MED13L: variants seen among roughly 807,000 people sequenced by gnomAD.
MED13L encodes mediator complex subunit 13L.
In MED13L, 7 loss-of-function variants were observed where a neutral mutation model predicts 220.9. The observed-to-expected ratio is 0.03, with a 90% CI of 0.02 to 0.06. The LOEUF (loss-of-function observed/expected upper bound fraction) is 0.06. Ranked by LOEUF, MED13L falls within the 10% of genes least tolerant of loss-of-function variation. MED13L has a pLI of 1.00. For missense variants in MED13L, 1,965 were observed against 2,760.5 expected (o/e 0.71, Z 6.46); for synonymous variants, 1,011 against 1,015.2 (o/e 1.00, Z 0.08).
At chr12:116,275,730 G>C (rs539434857) in intron 1 of MED13L, among the ~76,000 whole-genome samples, 9 of 152,170 alleles carry the variant, frequency 5.9e-5, no homozygotes, top group African/African-American at 1.9e-4. Flanking sequence ...CTCTCCAAAA[G>C]GGACTCACCT....
chr12:115,982,799 A>C (rs913867956), intron 21 of MED13L, among the ~76,000 whole-genome samples, 196 bp from the exon 22 acceptor site: 1 of 152,216 alleles, frequency 6.6e-6, no homozygotes, highest in African/African-American at 2.4e-5. Flanking sequence ...GGAAAATGGC[A>C]ATGTACTCCT....
chr12:115,980,667 C>T (rs1877263437), intron 23 of MED13L, 83 bp downstream of exon 23: 7 of 1,447,896 alleles, frequency 4.8e-6, no homozygotes, highest in Non-Finnish European at 6.8e-6. Flanking sequence ...AAGCAACCAG[C>T]CAATCTCTGG....
chr12:116,100,174 T>C (rs1872945762), intron 3 of MED13L, among the ~76,000 whole-genome samples: 1 of 152,048 alleles, frequency 6.6e-6, no homozygotes, highest in South Asian at 2.1e-4. Context: ...TAGGAGGAAA[T>C]GAGAGAGAAG....
chr12:116,256,523 A>G (rs1158267898), intron 1 of MED13L, among the ~76,000 whole-genome samples: 11 of 152,110 alleles, frequency 7.2e-5, no homozygotes, highest in Admixed American at 2.6e-4. Flanking sequence ...CTTTGATTTC[A>G]GTGGTTTCAC....
chr12:116,208,222 C>T (rs1053734258), intron 2 of MED13L, among the ~76,000 whole-genome samples: 3 of 152,120 alleles, frequency 2.0e-5, no homozygotes, highest in South Asian at 2.1e-4. Flanking sequence ...CGGTGAAACC[C>T]GGTTTCTACT....
At chr12:116,232,133 C>T (rs768035489) in intron 2 of MED13L, 5 of 985,250 alleles carry the variant, frequency 5.1e-6, no homozygotes, top group Non-Finnish European at 6.0e-6. Context: ...ATCGCCCACA[C>T]CTCCTGGCAC....
At chr12:116,256,454 G>A (rs1289417324) in intron 1 of MED13L, among the ~76,000 whole-genome samples, 2 of 152,072 alleles carry the variant, frequency 1.3e-5, no homozygotes, top group East Asian at 1.9e-4. Context: ...GGGCAAGGGG[G>A]AGACCCTGAC....
Position 115,983,405 on chromosome 12 carries a change from G to A in MED13L, c.4667C>T (p.Pro1556Leu). 1 of 1,614,214 alleles carries A rather than the reference G, an allele frequency of 6.2e-7. No homozygotes were observed. The highest frequency in any genetic ancestry group is 8.5e-7 in the Non-Finnish European group (1 of 1,180,026). Residue 1556 changes from proline to leucine, a missense_variant, in exon 21 of 31, where the codon CCC (proline) becomes CTC (leucine). Pro to Leu is a moderately conservative substitution (Grantham distance 98). This residue lies in a region of MED13L where 510 missense variants were observed against 620.4 expected (regional missense o/e 0.82). Transcript: ENST00000281928. ...GPLAPNGSAA[P>L]PAGSAFNPTS... ...GGGATTAAATGCACTGCCAGCTGGG[G>A]GAGCTGCTGATCCATTTGGAGCTAA...
At chr12:116,159,101 G>C (rs1878667459) in intron 2 of MED13L, among the ~76,000 whole-genome samples, 1 of 152,098 alleles carries the variant, frequency 6.6e-6, no homozygotes, top group African/African-American at 2.4e-5. Flanking sequence ...AGGATTTTCT[G>C]AGTTTTTCTA....
At chr12:116,269,803 C>T (rs887100464) in intron 1 of MED13L, among the ~76,000 whole-genome samples, 2 of 152,110 alleles carry the variant, frequency 1.3e-5, no homozygotes, top group African/African-American at 2.4e-5. Context: ...AGATTCTACA[C>T]CACAATTCAT....
chr12:116,118,434 A>C (rs1874719183), intron 2 of MED13L, among the ~76,000 whole-genome samples: 1 of 152,184 alleles, frequency 6.6e-6, no homozygotes, highest in South Asian at 2.1e-4. Flanking sequence ...TAGATATTGC[A>C]TTGAAAATTA....
intron 2 of MED13L, among the ~76,000 whole-genome samples, chr12:116,209,660 C>T (rs886799540): frequency 2.0e-5 from 3 of 152,166 alleles, no homozygotes; most frequent in African/African-American, 7.2e-5. Context: ...TTGCTTCCTA[C>T]CAAATGCTGA....
intron 3 of MED13L, among the ~76,000 whole-genome samples, chr12:116,110,743 C>T (rs563477964): frequency 9.9e-5 from 15 of 152,212 alleles, no homozygotes; most frequent in Non-Finnish European, 1.9e-4. Context: ...GGGACACTGA[C>T]GATATGAGCC....
At chr12:115,972,261 C>T in intron 25 of MED13L, 25 bp from the exon 26 acceptor site, 2 of 1,610,182 alleles carry the variant, frequency 1.2e-6, no homozygotes, top group Non-Finnish European at 1.7e-6. Flanking sequence ...CGCAGTCATA[C>T]ACAGTCTTTA....
intron 1 of MED13L, among the ~76,000 whole-genome samples, chr12:116,242,563 T>C (rs966069470): frequency 6.6e-6 from 1 of 152,200 alleles, no homozygotes. Context: ...AATTAAAATA[T>C]ACAAAGAAGG....
At chr12:115,996,053 A>G (rs1878381053) in intron 16 of MED13L, among the ~76,000 whole-genome samples, 1 of 152,124 alleles carries the variant, frequency 6.6e-6, no homozygotes, top group Admixed American at 6.5e-5. Context: ...CCAATAAAGG[A>G]AAGTTTCAAA....
At position 116,019,225 on chromosome 12, in the gene MED13L, T is replaced by G. The variant is rs150782464; in HGVS notation, c.1008A>C (p.Leu336=). ...AGGACACTCCTGGATCCTACTCACCTAGGATAGCCTGTTCTGGAGAGGTGG... is the reference window on the plus strand; with the variant it reads ...AGGACACTCCTGGATCCTACTCACCGAGGATAGCCTGTTCTGGAGAGGTGG... ...TPPTSPEQAI[L]GESGGMQSAA... is the part of the protein sequence containing the mutation. The change falls in exon 7 of 31, where the codon CTA becomes CTC. Residue 336 remains leucine (L), a splice_region_variant and synonymous_variant. Transcript: ENST00000281928. The G allele has an allele frequency of 1.2e-4, 201 of 1,613,218 alleles. No homozygotes were observed. In the African/African-American group the frequency reaches 2.6e-3, roughly 21 times the overall value.
chr12:115,979,826 A>C (rs774324117), intron 23 of MED13L, among the ~76,000 whole-genome samples: 2 of 152,208 alleles, frequency 1.3e-5, no homozygotes, highest in African/African-American at 2.4e-5. Context: ...TTTTATACCT[A>C]TCTTCAAGAT....
intron 1 of MED13L, among the ~76,000 whole-genome samples, chr12:116,242,125 A>C (rs920307237): frequency 6.9e-6 from 1 of 145,254 alleles, no homozygotes; most frequent in African/African-American, 2.6e-5. Flanking sequence ...GATCTTGGCA[A>C]CCTCCCCCTC....
Sources: allele counts gnomAD v4.1 joint callset (sites outside exome capture counted in the v4.1 genomes callset), GRCh38; gene constraint gnomAD v4.1.1; regional missense constraint gnomAD v4.1.1; transcripts MANE v1.5; gene names NCBI Gene and HGNC (gene_info 2026-07-23, HGNC 2026-07-21).